KHNYN: variants seen among roughly 807,000 people sequenced by gnomAD.
KHNYN encodes KH and NYN domain containing, also known as protein KHNYN.
In KHNYN, 42 loss-of-function variants were observed where a neutral mutation model predicts 62.7. The ratio of observed to expected loss-of-function variants is 0.67; its 90% CI spans 0.52 to 0.87. The LOEUF is 0.87. Ranked by LOEUF, KHNYN falls within the 40% of genes least tolerant of loss-of-function variation. The pLI, the probability that KHNYN is intolerant of heterozygous loss-of-function variation, is 0.00. For missense variants in KHNYN, 829 were observed against 874.1 expected (o/e 0.95, Z 0.65); for synonymous variants, 347 against 345.6 (o/e 1.00, Z -0.04).
chr14:24,428,409 G>T (rs1377148353), upstream of KHNYN: 2 of 1,613,658 alleles, frequency 1.2e-6, no homozygotes, highest in East Asian at 2.2e-5. Context: ...CCAGGACCTG[G>T]GGGAAGCAGA....
rs543040413 is a variant in KHNYN at position 24,440,856 on chromosome 14, G to A, written c.*3571G>A. The A allele has an allele frequency of 9.3e-6, 15 of 1,613,874 alleles. No homozygotes were observed. In the South Asian group the frequency reaches 1.4e-4, roughly 15 times the overall value. On this transcript the variant is annotated 3_prime_UTR_variant, in exon 8 of 8. Coordinates refer to ENST00000553935, the MANE Select transcript of KHNYN (RefSeq NM_015299.3). ...CAGCTTCCCATTTGGTTACGAGGTT[G>A]GAGAAAAAGTCAAAGTCCCCTCCTG...
chr14:24,435,162 G>T (rs1431991940), intron 5 of KHNYN, among the ~76,000 whole-genome samples: 2 of 152,240 alleles, frequency 1.3e-5, no homozygotes, highest in Non-Finnish European at 2.9e-5. Context: ...CTGTTCCTTA[G>T]CAAGTCTTGG....
Position 24,440,500 on chromosome 14 carries a change from A to G in KHNYN, c.*3215A>G. ...CACGGCCCAGCACAACCCCTAGAGCAGGAAAGAGGGAAGGTACAGGGGTCC... is the reference window on the plus strand; with the variant it reads ...CACGGCCCAGCACAACCCCTAGAGCGGGAAAGAGGGAAGGTACAGGGGTCC... On this transcript the variant is annotated 3_prime_UTR_variant, in exon 8 of 8. Transcript: ENST00000553935. The G allele has an allele frequency of 1.3e-6, 2 of 1,597,664 alleles. No homozygotes were observed. The highest frequency in any genetic ancestry group is 1.7e-6 in the Non-Finnish European group (2 of 1,172,152).
rs747106556 is a variant in KHNYN, at chr14:24,432,836, G to A, written c.1464G>A (p.Lys488=). 97 of 1,614,220 alleles carry A rather than the reference G, an allele frequency of 6.0e-5. No homozygotes were observed. The highest frequency in any genetic ancestry group is 4.9e-4 in the Middle Eastern group (3 of 6,062). ...TTGTGCCTCAGTGGCGCTTCAGTAAGGATGCCAAAGTCAGAGGTGAGTTGG... is the reference window on the plus strand; with the variant it reads ...TTGTGCCTCAGTGGCGCTTCAGTAAAGATGCCAAAGTCAGAGGTGAGTTGG... ...TVFVPQWRFS[K]DAKVRESHFL... is the part of the protein sequence containing the mutation. Residue 488 remains lysine (K), a synonymous_variant, in exon 4 of 8, where the codon AAG becomes AAA. Transcript: ENST00000553935. This position sits in a 1 kb window ranked among gnomAD's most constrained non-coding sequence, Gnocchi z 5.6.
chr14:24,432,185 G>A lies in KHNYN; in HGVS notation c.924G>A (p.Gly308=). Residue 308 remains glycine (G), a synonymous_variant, in exon 3 of 8, where the codon GGG becomes GGA. Coordinates refer to ENST00000553935, the MANE Select transcript of KHNYN (RefSeq NM_015299.3). The surrounding 1 kb of genome is among the most constrained non-coding windows in gnomAD (Gnocchi z 5.6). ...CACCCCTGAAAGGGAAGGCCCTGGG[G>A]AAGGAGGAGATAGCTCTGGGAGGAG... ...ESAPLKGKAL[G]KEEIALGGGG... is the part of the protein sequence containing the mutation. The A allele has an allele frequency of 6.3e-7, 1 of 1,575,132 alleles. No individual in the cohort carries two copies.
chr14:24,423,659 A>G, the KHNYN span, among the ~76,000 whole-genome samples: 2 of 152,246 alleles, frequency 1.3e-5, no homozygotes, highest in African/African-American at 4.8e-5. Flanking sequence ...GGCAGCTGGC[A>G]AAGGAAACCA....
At position 24,439,885 on chromosome 14, in the gene KHNYN, T is replaced by A. The variant is rs746167443; in HGVS notation, c.*2600T>A. The A allele has an allele frequency of 3.5e-5, 18 of 509,152 alleles. No homozygotes were observed. Among genetic ancestry groups the A allele is most frequent in the Non-Finnish European group, 5.5e-5 (16 of 291,518 alleles). The allele number at this position is 509,152 out of a possible 1,614,324, so 31.5% of individuals were successfully genotyped here. On this transcript the variant is annotated 3_prime_UTR_variant, in exon 8 of 8. Coordinates refer to ENST00000553935, the MANE Select transcript of KHNYN (RefSeq NM_015299.3). ...CCAAACTGGGAAATCTTACAAGGAG[T>A]TGAAAAGATTAATGTCCCAACCTGA...
In KHNYN at chr14:24,430,256, C is replaced by T. The variant is rs538328162; in HGVS notation, c.-18+137C>T. 395 of 780,552 alleles carry T rather than the reference C, an allele frequency of 5.1e-4. 11 individuals are homozygous for T. The South Asian group carries it at 0.02, about 40-fold the overall frequency. 48.4% of individuals were successfully genotyped at this position (780,552 alleles called of 1,614,324 possible). A position where few individuals can be genotyped will look rare whatever the true frequency, so the allele number is the denominator to read the frequency against. Reference sequence around the variant, plus strand: ...CGGCCCCTGGGCCCTGGGCGGTGCTCCTGGCCCGACGGAGAGGGGCAGCGG... The same window carrying T: ...CGGCCCCTGGGCCCTGGGCGGTGCTTCTGGCCCGACGGAGAGGGGCAGCGG... On this transcript the variant is annotated intron_variant, in intron 1 of 7. Coordinates refer to ENST00000553935, the MANE Select transcript of KHNYN (RefSeq NM_015299.3).
chr14:24,434,519 C>T lies in KHNYN; in HGVS notation c.1577+1487C>T, dbSNP rs145167464. The T allele has an allele frequency of 3.9e-4, 98 of 250,128 alleles. No individual in the cohort carries two copies. The Middle Eastern group carries it at 7.9e-3, about 20-fold the overall frequency. 15.5% of individuals were successfully genotyped at this position (250,128 alleles called of 1,614,324 possible). On this transcript the variant is annotated intron_variant, in intron 5 of 7. Coordinates refer to ENST00000553935, the MANE Select transcript of KHNYN (RefSeq NM_015299.3). ...TCCCAGGTTCAAGTGATTCCCTTAC[C>T]TCAGCCTCCCGAGTAGCTGGGACTT...
rs778375644 is a variant in KHNYN, at chr14:24,431,773, C to G, written c.512C>G (p.Pro171Arg). 3.2e-5 allele frequency: 51 copies of G among 1,614,048 alleles called. No individual in the cohort carries two copies. Among genetic ancestry groups the G allele is most frequent in the East Asian group, 6.7e-5 (3 of 44,900 alleles). Residue 171 changes from proline (P) to arginine (R), a missense_variant, in exon 3 of 8, where the codon CCG (proline) becomes CGG (arginine). This residue lies in a region of KHNYN where 559 missense variants were observed against 527.0 expected (regional missense o/e 1.06). Coordinates refer to ENST00000553935, the MANE Select transcript of KHNYN (RefSeq NM_015299.3). ...GACTTCTCTGCCCTGCTGCAGTCCC[C>G]GGGGGATGCCCATAGAGAGGCTCTG... Reference protein sequence around the residue: ...LRDFSALLQSPGDAHREALLQ... With the variant: ...LRDFSALLQSRGDAHREALLQ...
At position 24,431,958 on chromosome 14, in the gene KHNYN, G is replaced by A. The variant is rs183267849; in HGVS notation, c.697G>A (p.Glu233Lys). The change falls in exon 3 of 8, where the codon GAG (glutamate) becomes AAG (lysine). Residue 233 changes from glutamate to lysine, a missense_variant. Physicochemically the swap from Glu to Lys is moderately conservative, Grantham distance 56 (BLOSUM62 1). Around this residue, in one of 2 missense-constraint regions of KHNYN, gnomAD observed 559 missense variants for 527.0 expected, o/e 1.06. Coordinates refer to ENST00000553935, the MANE Select transcript of KHNYN (RefSeq NM_015299.3). ...GAGAGCTCCCCCTAGTGACGGCAGG[G>A]AGTCCCTGGACACTGGATCTATGGG... ...GVRAPPSDGR[E>K]SLDTGSMGPG... 142 of 1,613,312 alleles carry A rather than the reference G, an allele frequency of 8.8e-5. 1 individual carries two copies. In the Middle Eastern group the frequency reaches 1.2e-3, roughly 13 times the overall value.
intron 5 of KHNYN, among the ~76,000 whole-genome samples, chr14:24,435,123 C>T (rs765599283): frequency 6.6e-6 from 1 of 152,158 alleles, no homozygotes; most frequent in African/African-American, 2.4e-5. Context: ...GGAGCCCAGG[C>T]ATTTTTTAAA....
At position 24,440,809 on chromosome 14, in the gene KHNYN, G is replaced by T; in HGVS notation, c.*3524G>T. 6.2e-7 allele frequency: 1 copy of T among 1,613,920 alleles called. No individual in the cohort carries two copies. The highest frequency in any genetic ancestry group is 2.2e-5 in the East Asian group (1 of 44,888). ...TGAGCGCACCACCACCTGGCGTGTA[G>T]AATCTCCAGGAAGCCTGGCTGCAGC... On this transcript the variant is annotated 3_prime_UTR_variant, in exon 8 of 8. Transcript: ENST00000553935.
At chr14:24,426,348 T>G, upstream of KHNYN, among the ~76,000 whole-genome samples, 1 of 152,188 alleles carries the variant, frequency 6.6e-6, no homozygotes, top group East Asian at 1.9e-4. Context: ...CCAAGGAACC[T>G]GAGGGTTTTT....
At position 24,430,112 on chromosome 14, in the gene KHNYN, C is replaced by T; in HGVS notation, c.-25C>T. ...GAGGACCTGAAGCCGGCGCGGGCGG[C>T]GGAGGCGGTAGGCGCGCCCCTCCAC... On this transcript the variant is annotated 5_prime_UTR_variant, in exon 1 of 8. Coordinates refer to ENST00000553935, the MANE Select transcript of KHNYN (RefSeq NM_015299.3). 2.0e-6 allele frequency: 2 copies of T among 985,228 alleles called. No homozygotes were observed. The highest frequency in any genetic ancestry group is 1.7e-5 in the African/African-American group (1 of 57,242). 61.0% of individuals were successfully genotyped at this position (985,228 alleles called of 1,614,324 possible).
chr14:24,440,467 A>T lies in KHNYN; in HGVS notation c.*3182A>T, dbSNP rs2043295844. 2 of 1,608,334 alleles carry T rather than the reference A, an allele frequency of 1.2e-6. No individual in the cohort carries two copies. Among genetic ancestry groups the T allele is most frequent in the Non-Finnish European group, 1.7e-6 (2 of 1,177,400 alleles). On this transcript the variant is annotated 3_prime_UTR_variant, in exon 8 of 8. Transcript: ENST00000553935. ...AGGGCAGCAGCATGTGGCCCATGGCACCACCCCCACGGCCCAGCACAACCC... is the reference window on the plus strand; with the variant it reads ...AGGGCAGCAGCATGTGGCCCATGGCTCCACCCCCACGGCCCAGCACAACCC...
At position 24,431,879 on chromosome 14, in the gene KHNYN, G is replaced by A; in HGVS notation, c.618G>A (p.Leu206=). ...CTAGTGGGCAGGGGCCAGGAGCACT[G>A]GCTTCTTGGGAGGGGCGGAGCTCAG... ...EASSGQGPGA[L]ASWEGRSSAL... The change falls in exon 3 of 8, where the codon CTG becomes CTA. Residue 206 remains leucine, a synonymous_variant. Transcript: ENST00000553935. 1 of 1,614,062 alleles carries A rather than the reference G, an allele frequency of 6.2e-7. No individual in the cohort carries two copies. The highest frequency in any genetic ancestry group is 1.3e-5 in the African/African-American group (1 of 75,062).
chr14:24,439,085 T>A lies in KHNYN; in HGVS notation c.*1800T>A, dbSNP rs2043251827. On this transcript the variant is annotated 3_prime_UTR_variant, in exon 8 of 8. Transcript: ENST00000553935. ...CGGTCCCTGAGAAGAGATTGGTTAG[T>A]ATGGCCTGAACTGGTGGCTGGGGGA... 6.6e-6 allele frequency: 1 copy of A among 152,294 alleles called. No individual in the cohort carries two copies. Among genetic ancestry groups the A allele is most frequent in the Non-Finnish European group, 1.5e-5 (1 of 68,104 alleles). The allele number at this position is 152,294 out of a possible 1,614,324, so 9.4% of individuals were successfully genotyped here. A position where few individuals can be genotyped will look rare whatever the true frequency, so the allele number is the denominator to read the frequency against.
In KHNYN at chr14:24,440,899, T is replaced by C. The variant is rs1218510046; in HGVS notation, c.*3614T>C. On this transcript the variant is annotated 3_prime_UTR_variant, in exon 8 of 8. Transcript: ENST00000553935. ...CCCTCCTGGGCTGTCTTCATCATACTCCGCAGTCAGACTGGGCTGGTAGTA... is the reference window on the plus strand; with the variant it reads ...CCCTCCTGGGCTGTCTTCATCATACCCCGCAGTCAGACTGGGCTGGTAGTA... 4 of 1,613,912 alleles carry C rather than the reference T, an allele frequency of 2.5e-6. No individual in the cohort carries two copies. Among genetic ancestry groups the C allele is most frequent in the Non-Finnish European group, 3.4e-6 (4 of 1,179,896 alleles).
Sources: allele counts gnomAD v4.1 joint callset (sites outside exome capture counted in the v4.1 genomes callset), GRCh38; gene constraint gnomAD v4.1.1; regional missense constraint gnomAD v4.1.1; non-coding constraint Gnocchi (gnomAD v3.1); transcripts MANE v1.5; gene names NCBI Gene and HGNC (gene_info 2026-07-23, HGNC 2026-07-21).